CSMD3: variants seen among roughly 807,000 people sequenced by gnomAD.
CSMD3 encodes CUB and Sushi multiple domains 3.
A neutral mutation model predicts 435.2 loss-of-function variants in CSMD3; 177 were observed. The ratio of observed to expected loss-of-function variants is 0.41; its 90% CI spans 0.36 to 0.46. CSMD3 has a LOEUF of 0.46. Ranked by LOEUF, CSMD3 falls within the 20% of genes least tolerant of loss-of-function variation. The pLI is 0.34. For synonymous variants in CSMD3, 1,656 were observed against 1,520.5 expected (o/e 1.09, Z -2.07); for missense variants, 4,265 against 4,504.6 (o/e 0.95, Z 1.52).
At chr8:112,765,055 G>C (rs182625244) in intron 13 of CSMD3, among the ~76,000 whole-genome samples, 10 of 151,534 alleles carry the variant, frequency 6.6e-5, no homozygotes, top group Non-Finnish European at 1.5e-4. Flanking sequence ...GGTGGACAGC[G>C]TCATAAGATC....
chr8:112,296,400 A>C lies in CSMD3; in HGVS notation c.8441-394T>G, dbSNP rs1444097665. Among the ~76,000 whole-genome samples, 3 of 151,854 alleles carry C rather than the reference A, an allele frequency of 2.0e-5. No homozygotes were observed. In the East Asian group the frequency reaches 5.8e-4, roughly 29 times the overall value. ...CCCCGTCTCTACTAAAAATACAAAA[A>C]ATTAGCCAGGCATGGTGGCAGGCGC... On this transcript the variant is annotated intron_variant, in intron 53 of 70. Coordinates refer to ENST00000297405, the MANE Select transcript of CSMD3 (RefSeq NM_198123.2).
rs1820252238 is a variant in CSMD3, at chr8:112,296,216, C to T, written c.8441-210G>A. Among the ~76,000 whole-genome samples, 3 of 152,040 alleles carry T rather than the reference C, an allele frequency of 2.0e-5. No individual in the cohort carries two copies. The South Asian group carries it at 6.2e-4, about 32-fold the overall frequency. On this transcript the variant is annotated intron_variant, in intron 53 of 70. Coordinates refer to ENST00000297405, the MANE Select transcript of CSMD3 (RefSeq NM_198123.2). ...TTAAAAGAAGACACGTGTCTAGTGA[C>T]ACTTGGGTCTTGAAGAAATTATAAA...
intron 1 of CSMD3, among the ~76,000 whole-genome samples, chr8:113,377,942 T>C (rs190645862): frequency 6.2e-4 from 95 of 152,292 alleles, no homozygotes; most frequent in African/African-American, 2.1e-3. Context: ...TTTTGGAAGA[T>C]TTTCAAAATG....
intron 1 of CSMD3, among the ~76,000 whole-genome samples, chr8:113,421,077 A>T (rs1588696342): frequency 6.6e-6 from 1 of 152,342 alleles, no homozygotes. Context: ...TTAGAAAAAA[A>T]CACGAAGAAT....
At chr8:113,145,720 T>C (rs1014076831) in intron 4 of CSMD3, among the ~76,000 whole-genome samples, 32 of 151,724 alleles carry the variant, frequency 2.1e-4, no homozygotes, top group African/African-American at 7.7e-4. Context: ...CCTTGTTTTG[T>C]TCAATTTAGA....
chr8:112,526,247 T>C (rs1472521939), intron 27 of CSMD3, among the ~76,000 whole-genome samples: 6 of 152,184 alleles, frequency 3.9e-5, no homozygotes, highest in East Asian at 1.9e-4. Flanking sequence ...AATCATTCAA[T>C]ATCATAGTAG....
chr8:112,683,736 A>T (rs1044773732), intron 15 of CSMD3, among the ~76,000 whole-genome samples: 22 of 152,062 alleles, frequency 1.4e-4, no homozygotes, highest in African/African-American at 5.3e-4. Flanking sequence ...TATTATATTC[A>T]TACTGCATTA....
chr8:112,298,639 A>C (rs78656594), intron 53 of CSMD3, among the ~76,000 whole-genome samples: 1 of 152,270 alleles, frequency 6.6e-6, no homozygotes, highest in Non-Finnish European at 1.5e-5. Flanking sequence ...TCATAACAAA[A>C]AGGCAAGTCA....
At chr8:113,403,330 T>C (rs191973831) in intron 1 of CSMD3, among the ~76,000 whole-genome samples, 5 of 151,504 alleles carry the variant, frequency 3.3e-5, no homozygotes, top group African/African-American at 1.2e-4. Context: ...TTTCAAAATC[T>C]AATATTTTAA....
chr8:113,089,475 T>C (rs1211604959), intron 5 of CSMD3, among the ~76,000 whole-genome samples: 1 of 152,190 alleles, frequency 6.6e-6, no homozygotes, highest in Non-Finnish European at 1.5e-5. Flanking sequence ...ATACATTGAA[T>C]AATGACACGT....
chr8:112,946,046 CT>C (rs1245975929), intron 9 of CSMD3, among the ~76,000 whole-genome samples: 6 of 151,714 alleles, frequency 4.0e-5, no homozygotes. Context: ...GGCTTGAAAT[CT>C]ACTGCACTTG....
intron 1 of CSMD3, among the ~76,000 whole-genome samples, chr8:113,426,895 A>C (rs1190712224): frequency 6.6e-6 from 1 of 151,580 alleles, no homozygotes; most frequent in Non-Finnish European, 1.5e-5. Flanking sequence ...GGACTTGACC[A>C]ACCTTGGAGA....
intron 27 of CSMD3, among the ~76,000 whole-genome samples, chr8:112,526,395 GTC>G (rs1362100914): frequency 1.1e-4 from 17 of 149,852 alleles, no homozygotes; most frequent in East Asian, 1.9e-4. Flanking sequence ...GCTTTACTTT[GTC>G]TCTCTCTCTC....
At chr8:112,695,411 G>T (rs1272807012) in intron 13 of CSMD3, among the ~76,000 whole-genome samples, 1 of 151,938 alleles carries the variant, frequency 6.6e-6, no homozygotes, top group Non-Finnish European at 1.5e-5. Context: ...GAACATCCTT[G>T]CAAGGCTGGT....
chr8:112,285,917 G>T (rs1819151336), intron 58 of CSMD3, among the ~76,000 whole-genome samples: 1 of 151,776 alleles, frequency 6.6e-6, no homozygotes, highest in African/African-American at 2.4e-5. Flanking sequence ...TGTGGTCTCA[G>T]GCTGGGTCCT....
intron 4 of CSMD3, among the ~76,000 whole-genome samples, chr8:113,159,235 T>C (rs1431441831): frequency 1.3e-5 from 2 of 151,778 alleles, no homozygotes; most frequent in African/African-American, 4.8e-5. Flanking sequence ...TATGTAAAAA[T>C]ATGTAAGATA....
intron 9 of CSMD3, among the ~76,000 whole-genome samples, chr8:112,930,941 T>C (rs1187687061): frequency 6.6e-6 from 1 of 152,214 alleles, no homozygotes; most frequent in South Asian, 2.1e-4. Context: ...GTAATGTAAA[T>C]TTAGAATATT....
intron 1 of CSMD3, among the ~76,000 whole-genome samples, chr8:113,426,093 AT>A (rs575549873): frequency 4.0e-5 from 6 of 151,244 alleles, no homozygotes; most frequent in Non-Finnish European, 5.9e-5. Context: ...AGTCAGCTGT[AT>A]TTTTTTTGCC....
chr8:113,194,367 C>T (rs147391174), intron 3 of CSMD3, among the ~76,000 whole-genome samples: 1 of 151,026 alleles, frequency 6.6e-6, no homozygotes, highest in East Asian at 2.0e-4. Flanking sequence ...GTGTACTCAA[C>T]AAACAAATAA....
Sources: gnomAD v4.1 joint callset for allele counts (sites outside exome capture counted in the v4.1 genomes callset) on GRCh38, gnomAD v4.1.1 for gene constraint, MANE v1.5 for transcripts, NCBI Gene and HGNC (gene_info 2026-07-23, HGNC 2026-07-21) for gene names.